SGCZ: variants seen among roughly 807,000 people sequenced by gnomAD.
SGCZ encodes the protein zeta-sarcoglycan.
Under a neutral mutation model 41.3 loss-of-function variants are expected in SGCZ, and 40 were observed. The observed-to-expected ratio is 0.97, with a 90% confidence interval of 0.75 to 1.26. The LOEUF (loss-of-function observed/expected upper bound fraction) is 1.26, where lower values mean the gene tolerates loss of function less well. Ranked by LOEUF, SGCZ falls within the 50% of genes most tolerant of loss-of-function variation. The pLI is 0.00. For missense variants in SGCZ, 552 were observed against 369.8 expected (o/e 1.49, Z -4.04); for synonymous variants, 206 against 137.5 (o/e 1.50, Z -3.49).
At chr8:14,262,779 T>C (rs1417767042) in intron 3 of SGCZ, among the ~76,000 whole-genome samples, 3 of 147,996 alleles carry the variant, frequency 2.0e-5, no homozygotes, top group South Asian at 2.1e-4. Context: ...AAAATCATGA[T>C]GCAAATCCCA....
chr8:14,796,003 T>C (rs756689450), intron 1 of SGCZ, among the ~76,000 whole-genome samples: 1 of 152,152 alleles, frequency 6.6e-6, no homozygotes, highest in Admixed American at 6.5e-5. Flanking sequence ...AAGGACAAGA[T>C]CTTGTTCTTT....
chr8:15,143,314 C>G (rs371943254), intron 1 of SGCZ, among the ~76,000 whole-genome samples: 2 of 152,076 alleles, frequency 1.3e-5, no homozygotes, highest in Admixed American at 1.3e-4. Context: ...AACTCTAGCA[C>G]GTAGTAGGCA....
intron 1 of SGCZ, among the ~76,000 whole-genome samples, chr8:15,087,585 G>C (rs1389713228): frequency 6.6e-6 from 1 of 152,104 alleles, no homozygotes; most frequent in African/African-American, 2.4e-5. Context: ...GTGTCATTGA[G>C]AATAAATCTC....
chr8:14,951,852 A>G, intron 1 of SGCZ, among the ~76,000 whole-genome samples: 1 of 152,250 alleles, frequency 6.6e-6, no homozygotes. Flanking sequence ...AACCTTTTTT[A>G]TATTAACATT....
rs146705314 is a variant in SGCZ at position 14,741,856 on chromosome 8, A to G, written c.40-186930T>C. ...TGATTTAAGAAGTAGAACAGTATCA[A>G]TATCAACTTCTCTTTTAATAACTCA... is the stretch of plus-strand genomic sequence containing the variant. On this transcript the variant is annotated intron_variant, in intron 1 of 7. Transcript: ENST00000382080. 4.7e-4 allele frequency among the ~76,000 whole-genome samples: 72 copies of G among 152,112 alleles called. No individual in the cohort carries two copies. The East Asian group carries it at 0.011, about 24-fold the overall frequency.
At chr8:15,173,947 C>G (rs1799927329) in intron 1 of SGCZ, among the ~76,000 whole-genome samples, 1 of 152,096 alleles carries the variant, frequency 6.6e-6, no homozygotes, top group African/African-American at 2.4e-5. Context: ...GTCGCAAACT[C>G]CTGGGCTCAA....
chr8:14,368,832 G>C (rs531775876), intron 2 of SGCZ, among the ~76,000 whole-genome samples: 1 of 151,846 alleles, frequency 6.6e-6, no homozygotes, highest in African/African-American at 2.4e-5. Flanking sequence ...TACAATTGCA[G>C]CAAAAAAAAG....
At chr8:15,066,775 A>G (rs1050416545) in intron 1 of SGCZ, among the ~76,000 whole-genome samples, 2 of 152,190 alleles carry the variant, frequency 1.3e-5, no homozygotes, top group African/African-American at 4.8e-5. Flanking sequence ...TCTGCCACCT[A>G]GTCTCTTACT....
At chr8:14,640,932 G>T (rs1042041555) in intron 1 of SGCZ, among the ~76,000 whole-genome samples, 1 of 151,654 alleles carries the variant, frequency 6.6e-6, no homozygotes, top group Non-Finnish European at 1.5e-5. Context: ...ATGAATAACT[G>T]CAAGTTGCTC....
At chr8:15,018,857 T>G (rs1803141181) in intron 1 of SGCZ, among the ~76,000 whole-genome samples, 1 of 151,956 alleles carries the variant, frequency 6.6e-6, no homozygotes, top group African/African-American at 2.4e-5. Context: ...GCTGAGGAGA[T>G]CTCAGGAAAC....
intron 1 of SGCZ, among the ~76,000 whole-genome samples, chr8:14,629,169 G>C (rs1015763360): frequency 8.5e-5 from 13 of 152,094 alleles, no homozygotes; most frequent in African/African-American, 3.1e-4. Flanking sequence ...TCCATCTTCA[G>C]TTGTGCATGT....
At chr8:15,081,345 TTTTAAG>T (rs1805739941) in intron 1 of SGCZ, among the ~76,000 whole-genome samples, 1 of 152,206 alleles carries the variant, frequency 6.6e-6, no homozygotes, top group Non-Finnish European at 1.5e-5. Flanking sequence ...GCATTTTTAC[TTTTAAG>T]TTTTTCTCAA....
At chr8:15,106,060 T>A (rs1466138643) in intron 1 of SGCZ, among the ~76,000 whole-genome samples, 12 of 152,214 alleles carry the variant, frequency 7.9e-5, no homozygotes, top group African/African-American at 2.9e-4. Context: ...GATTAAATTA[T>A]CATGACATTA....
At position 14,711,833 on chromosome 8, in the gene SGCZ, G is replaced by C. The variant is rs529892256; in HGVS notation, c.40-156907C>G. Among the ~76,000 whole-genome samples, 247 of 152,266 alleles carry C rather than the reference G, an allele frequency of 1.6e-3. 2 individuals are homozygous for C. The highest frequency in any genetic ancestry group is 2.9e-3 in the Non-Finnish European group (198 of 68,014). On this transcript the variant is annotated intron_variant, in intron 1 of 7. Coordinates refer to ENST00000382080, the MANE Select transcript of SGCZ (RefSeq NM_139167.4). ...ACAAAGAAACTAGACATTCATTGAA[G>C]ACATTTCTGTTTGTTTGCTTGTTTG... is the stretch of plus-strand genomic sequence containing the variant.
Position 14,880,205 on chromosome 8 carries a change from C to G in SGCZ, c.40-325279G>C, listed in dbSNP as rs564690726. Among the ~76,000 whole-genome samples, 12 of 152,232 alleles carry G rather than the reference C, an allele frequency of 7.9e-5. No homozygotes were observed. The East Asian group carries it at 2.3e-3, about 29-fold the overall frequency. ...GTATGGCATTCTACTCTACTAATTG[C>G]TCATCATCACTGGCCATCAGAGAAA... On this transcript the variant is annotated intron_variant, in intron 1 of 7. Coordinates refer to ENST00000382080, the MANE Select transcript of SGCZ (RefSeq NM_139167.4).
At chr8:14,109,998 C>T (rs1295639598) in intron 5 of SGCZ, among the ~76,000 whole-genome samples, 1 of 152,006 alleles carries the variant, frequency 6.6e-6, no homozygotes, top group Non-Finnish European at 1.5e-5. Flanking sequence ...ACATATGGTC[C>T]TTGTTTTTAA....
At chr8:15,125,881 C>T (rs976685465) in intron 1 of SGCZ, among the ~76,000 whole-genome samples, 1 of 152,186 alleles carries the variant, frequency 6.6e-6, no homozygotes, top group African/African-American at 2.4e-5. Flanking sequence ...TGCAGTGGCT[C>T]ACGCCTGTAA....
At chr8:14,898,754 G>C (rs555803022) in intron 1 of SGCZ, among the ~76,000 whole-genome samples, 12 of 152,270 alleles carry the variant, frequency 7.9e-5, no homozygotes, top group African/African-American at 2.6e-4. Flanking sequence ...TCAAGATAGA[G>C]AATACTAGTT....
chr8:14,133,110 C>T (rs745705768), intron 5 of SGCZ, among the ~76,000 whole-genome samples: 10 of 152,160 alleles, frequency 6.6e-5, no homozygotes, highest in Non-Finnish European at 1.5e-4. Flanking sequence ...AACACTTAGC[C>T]AGGGGACTGA....
Sources: gnomAD v4.1 joint callset for allele counts (sites outside exome capture counted in the v4.1 genomes callset) on GRCh38, gnomAD v4.1.1 for gene constraint, MANE v1.5 for transcripts, NCBI Gene and HGNC (gene_info 2026-07-23, HGNC 2026-07-21) for gene names.